KPNA3: variants seen among roughly 807,000 people sequenced by gnomAD.
KPNA3 encodes the protein karyopherin subunit alpha 3, also known as importin subunit alpha-4.
A neutral mutation model predicts 73.8 loss-of-function variants in KPNA3; 13 were observed. The ratio of observed to expected loss-of-function variants is 0.18; its 90% CI spans 0.11 to 0.28. The LOEUF (loss-of-function observed/expected upper bound fraction) is 0.28, where lower values mean the gene tolerates loss of function less well. KPNA3 is among the 10% of genes least tolerant of loss of function. KPNA3 has a pLI of 1.00. For missense variants in KPNA3, 360 were observed against 618.1 expected, an observed-to-expected ratio of 0.58 and a Z score of 4.43; for synonymous variants, 186 against 206.9, an observed-to-expected ratio of 0.90 and a Z score of 0.87.
At chr13:49,712,754 T>C (rs1038881603) in intron 10 of KPNA3, among the ~76,000 whole-genome samples, 1 of 148,866 alleles carries the variant, frequency 6.7e-6, no homozygotes, top group African/African-American at 2.4e-5. Context: ...ATATATCATT[T>C]AAAACTGTCA....
At chr13:49,783,665 A>G (rs1390839934) in intron 1 of KPNA3, among the ~76,000 whole-genome samples, 2 of 152,212 alleles carry the variant, frequency 1.3e-5, no homozygotes, top group Non-Finnish European at 2.9e-5. Flanking sequence ...TAGAAGTTCT[A>G]GATATACACT....
chr13:49,704,419 AAAAT>A (rs1207510424), intron 15 of KPNA3, among the ~76,000 whole-genome samples: 4 of 127,594 alleles, frequency 3.1e-5, no homozygotes, highest in African/African-American at 1.1e-4. Context: ...TCTCAAAAAA[AAAAT>A]AAATAAATAA....
chr13:49,735,011 T>C lies in KPNA3; in HGVS notation c.115-1965A>G, dbSNP rs113414161. On this transcript the variant is annotated intron_variant, in intron 2 of 16. Coordinates refer to ENST00000261667, the MANE Select transcript of KPNA3 (RefSeq NM_002267.4). ...GGCATATACTAGTTTAGAGCTATTA[T>C]AGCTTCTTTGTAAATTATTTCTTTT... Among the ~76,000 whole-genome samples the C allele has an allele frequency of 7.9e-5, 12 of 151,996 alleles. 1 individual carries two copies. Among genetic ancestry groups the C allele is most frequent in the East Asian group, 3.9e-4 (2 of 5,180 alleles).
intron 1 of KPNA3, among the ~76,000 whole-genome samples, chr13:49,777,786 C>T (rs867398677): frequency 6.6e-6 from 1 of 151,862 alleles, no homozygotes; most frequent in East Asian, 1.9e-4. Context: ...GCTGAGATTA[C>T]GGGCATGAGC....
In KPNA3 at chr13:49,792,538, T is replaced by C; in HGVS notation, c.-32A>G. The C allele has an allele frequency of 2.2e-6, 3 of 1,340,984 alleles. No individual in the cohort carries two copies. Among genetic ancestry groups the C allele is most frequent in the Non-Finnish European group, 3.0e-6 (3 of 1,013,472 alleles). The allele number at this position is 1,340,984 out of a possible 1,614,324, so 83.1% of individuals were successfully genotyped here. On this transcript the variant is annotated 5_prime_UTR_variant, in exon 1 of 17. Coordinates refer to ENST00000261667, the MANE Select transcript of KPNA3 (RefSeq NM_002267.4). Reference sequence around the variant, plus strand: ...GCGCGGCTCCGGCGGCGGCTACTCCTGCGGCTGCGGCGGCGGCGGCGGCGA... The same window carrying C: ...GCGCGGCTCCGGCGGCGGCTACTCCCGCGGCTGCGGCGGCGGCGGCGGCGA...
At chr13:49,788,615 AGGCTGAGATGGAAGGAC>A (rs768155354) in intron 1 of KPNA3, among the ~76,000 whole-genome samples, 3 of 151,724 alleles carry the variant, frequency 2.0e-5, no homozygotes, top group Non-Finnish European at 2.9e-5. Context: ...GCTACTCAAG[AGGCTGAGATGGAAGGAC>A]GGCTTGAGCC....
At chr13:49,722,444 G>A in intron 8 of KPNA3, 33 bp downstream of exon 8, 1 of 1,426,178 alleles carries the variant, frequency 7.0e-7, no homozygotes, top group South Asian at 1.2e-5. Flanking sequence ...AGTTAATTTA[G>A]ATTCTTAAGA....
chr13:49,724,836 A>G (rs1954394885), intron 7 of KPNA3, among the ~76,000 whole-genome samples: 2 of 152,150 alleles, frequency 1.3e-5, no homozygotes, highest in South Asian at 4.1e-4. Context: ...AACTCAAGTG[A>G]TCTGCTTGCC....
At chr13:49,750,033 TTTTA>T (rs1343630175) in intron 1 of KPNA3, among the ~76,000 whole-genome samples, 1 of 152,230 alleles carries the variant, frequency 6.6e-6, no homozygotes, top group African/African-American at 2.4e-5. Context: ...AAGTATCTAT[TTTTA>T]GTCCACTCTG....
chr13:49,724,607 T>G (rs1357706274), intron 7 of KPNA3, among the ~76,000 whole-genome samples: 2 of 151,596 alleles, frequency 1.3e-5, no homozygotes, highest in Non-Finnish European at 2.9e-5. Context: ...GCACCCAGCC[T>G]TTGTTTTTGA....
chr13:49,706,939 C>T (rs936408275), intron 12 of KPNA3, among the ~76,000 whole-genome samples: 1 of 151,892 alleles, frequency 6.6e-6, no homozygotes, highest in Non-Finnish European at 1.5e-5. Context: ...TTAGTAGAGA[C>T]GGGGTTTCAC....
intron 1 of KPNA3, among the ~76,000 whole-genome samples, chr13:49,785,673 GGAA>G (rs762314822): frequency 2.6e-5 from 4 of 152,012 alleles, no homozygotes; most frequent in Non-Finnish European, 5.9e-5. Flanking sequence ...TCAAAGGGTA[GGAA>G]GAAGACTTAC....
chr13:49,738,985 T>C (rs764031324), intron 2 of KPNA3, among the ~76,000 whole-genome samples: 7 of 152,240 alleles, frequency 4.6e-5, no homozygotes, highest in Non-Finnish European at 7.3e-5. Flanking sequence ...TGGTGCTCTT[T>C]ACCAAGATGA....
intron 10 of KPNA3, 136 bp from the exon 11 acceptor site, chr13:49,711,158 C>G (rs1954256665): frequency 3.1e-6 from 2 of 653,486 alleles, no homozygotes; most frequent in Admixed American, 3.2e-5. Flanking sequence ...ATCTGCTTAG[C>G]TGATTAATCT....
intron 1 of KPNA3, among the ~76,000 whole-genome samples, chr13:49,774,623 C>T (rs1370833225): frequency 6.6e-6 from 1 of 151,996 alleles, no homozygotes; most frequent in African/African-American, 2.4e-5. Context: ...ACTATGTTAC[C>T]AAAACAAAAG....
intron 1 of KPNA3, among the ~76,000 whole-genome samples, chr13:49,756,997 T>C (rs1194189777): frequency 6.6e-6 from 1 of 152,168 alleles, no homozygotes; most frequent in Non-Finnish European, 1.5e-5. Context: ...AGATAGATAT[T>C]GACAGACAAA....
At chr13:49,710,808 T>C (rs374337536) in intron 11 of KPNA3, 83 bp downstream of exon 11, 25 of 1,214,176 alleles carry the variant, frequency 2.1e-5, no homozygotes, top group Admixed American at 8.7e-5. Context: ...CACTTACAGA[T>C]AGAATTAAAG....
chr13:49,772,700 G>A (rs552255049), intron 1 of KPNA3, among the ~76,000 whole-genome samples: 2 of 152,290 alleles, frequency 1.3e-5, no homozygotes, highest in East Asian at 3.9e-4. Context: ...CTACTCAGGA[G>A]GCTGAGGCAG....
intron 1 of KPNA3, among the ~76,000 whole-genome samples, chr13:49,788,005 G>T (rs758462611): frequency 2.3e-4 from 35 of 152,158 alleles, no homozygotes; most frequent in African/African-American, 3.1e-4. Flanking sequence ...TTGATATATT[G>T]TAAGTCCAGG....
Sources: allele counts gnomAD v4.1 joint callset (sites outside exome capture counted in the v4.1 genomes callset), GRCh38; gene constraint gnomAD v4.1.1; transcripts MANE v1.5; gene names NCBI Gene and HGNC (gene_info 2026-07-23, HGNC 2026-07-21).